XXYLT1: variants seen among roughly 807,000 people sequenced by gnomAD.
The protein encoded by XXYLT1 is UDP-xylose:alpha-xyloside alpha-1,3-xylosyltransferase.
A neutral mutation model predicts 28.9 loss-of-function variants in XXYLT1; 20 were observed. The observed-to-expected ratio is 0.69, with a 90% CI of 0.49 to 1.00. The LOEUF is 1.00. Among genes scored for constraint, XXYLT1 ranks in the 50% least tolerant of loss-of-function variants. The pLI is 0.00. For missense variants in XXYLT1, 542 were observed against 560.1 expected (o/e 0.97, Z 0.33); for synonymous variants, 257 against 253.8 (o/e 1.01, Z -0.12).
chr3:195,253,751 G>C (rs954783812), intron 1 of XXYLT1, among the ~76,000 whole-genome samples: 1 of 152,016 alleles, frequency 6.6e-6, no homozygotes, highest in African/African-American at 2.4e-5. Context: ...CGCCCGCCTC[G>C]GCCTCCCAAA....
intron 2 of XXYLT1, among the ~76,000 whole-genome samples, chr3:195,177,607 G>A (rs976138026): frequency 1.3e-5 from 2 of 152,028 alleles, no homozygotes; most frequent in Non-Finnish European, 2.9e-5. Context: ...GTGGCCATGA[G>A]ACCTGCCTTA....
At chr3:195,235,492 T>G (rs903503833) in intron 1 of XXYLT1, among the ~76,000 whole-genome samples, 10 of 152,270 alleles carry the variant, frequency 6.6e-5, no homozygotes, top group African/African-American at 2.4e-4. Flanking sequence ...ATCACATATC[T>G]CTGTTTCTCC....
chr3:195,199,141 A>G (rs1237389603), intron 2 of XXYLT1, among the ~76,000 whole-genome samples: 1 of 152,100 alleles, frequency 6.6e-6, no homozygotes, highest in Non-Finnish European at 1.5e-5. Flanking sequence ...AACATAGGAT[A>G]GGAATGAGCA....
At chr3:195,175,780 A>C in intron 2 of XXYLT1, 1 of 1,507,540 alleles carries the variant, frequency 6.6e-7, no homozygotes, top group Admixed American at 2.1e-5. Context: ...CCTGGAAGCC[A>C]CATGCTCCAG....
intron 2 of XXYLT1, among the ~76,000 whole-genome samples, chr3:195,184,314 A>T (rs1722080792): frequency 6.6e-6 from 1 of 152,230 alleles, no homozygotes; most frequent in Non-Finnish European, 1.5e-5. Flanking sequence ...AAAATGCTAA[A>T]TGTGACTGGC....
chr3:195,101,501 C>T (rs1475896697), intron 3 of XXYLT1, among the ~76,000 whole-genome samples: 1 of 152,186 alleles, frequency 6.6e-6, no homozygotes, highest in East Asian at 1.9e-4. Context: ...TATTTTAAAA[C>T]ATTAGTAAGT....
In XXYLT1 at chr3:195,133,583, C is replaced by T. The variant is rs952438998; in HGVS notation, c.785+22866G>A. Among the ~76,000 whole-genome samples the T allele has an allele frequency of 6.6e-6, 1 of 152,196 alleles. No homozygotes were observed. Among genetic ancestry groups the T allele is most frequent in the African/African-American group, 2.4e-5 (1 of 41,450 alleles). On this transcript the variant is annotated intron_variant, in intron 3 of 3. Transcript: ENST00000310380. This position sits in a 1 kb window ranked among gnomAD's most constrained non-coding sequence, Gnocchi z 4.4. Reference sequence around the variant, plus strand: ...TGATAAACATTTCATATTTGAGTCACCTCTGCTACGCCTAACAAGCAGAGG... The same window carrying T: ...TGATAAACATTTCATATTTGAGTCATCTCTGCTACGCCTAACAAGCAGAGG...
chr3:195,088,351 C>T (rs1214461615), intron 3 of XXYLT1, among the ~76,000 whole-genome samples: 1 of 148,486 alleles, frequency 6.7e-6, no homozygotes, highest in Non-Finnish European at 1.5e-5. Context: ...AACGGGCAGA[C>T]TGCCTCCTCA....
At chr3:195,249,158 C>A (rs1043462026) in intron 1 of XXYLT1, among the ~76,000 whole-genome samples, 2 of 152,120 alleles carry the variant, frequency 1.3e-5, no homozygotes, top group Admixed American at 6.5e-5. Context: ...AGGCCAAGTG[C>A]GGCACCAGCA....
chr3:195,102,085 G>A (rs541336410), intron 3 of XXYLT1, among the ~76,000 whole-genome samples: 1 of 146,356 alleles, frequency 6.8e-6, no homozygotes, highest in Non-Finnish European at 1.5e-5. Flanking sequence ...GAAGGGAAAG[G>A]GAGGGGAGGG....
At chr3:195,226,916 A>G in intron 1 of XXYLT1, 60 bp from the exon 2 acceptor site, 1 of 1,578,098 alleles carries the variant, frequency 6.3e-7, no homozygotes, top group Admixed American at 1.8e-5. Context: ...CAAGCTCAAC[A>G]CCCAACAAGC....
At chr3:195,233,031 T>C (rs553389567) in intron 1 of XXYLT1, among the ~76,000 whole-genome samples, 212 of 152,358 alleles carry the variant, frequency 1.4e-3, no homozygotes, top group African/African-American at 4.8e-3. Context: ...TTCACTCTGA[T>C]AATATTTGCT....
At chr3:195,084,159 T>C (rs1715595908) in intron 3 of XXYLT1, among the ~76,000 whole-genome samples, 1 of 152,216 alleles carries the variant, frequency 6.6e-6, no homozygotes, top group Non-Finnish European at 1.5e-5. Flanking sequence ...AAAGGATTCC[T>C]AGCGGGCTTT....
intron 3 of XXYLT1, chr3:195,095,463 G>A (rs1231522879): frequency 6.5e-6 from 1 of 153,890 alleles, no homozygotes; most frequent in Admixed American, 6.5e-5. Flanking sequence ...GGTCAGGGAA[G>A]GCAGGGGGAC....
chr3:195,175,301 C>T (rs1160063446), intron 2 of XXYLT1, among the ~76,000 whole-genome samples: 2 of 152,212 alleles, frequency 1.3e-5, no homozygotes, highest in African/African-American at 2.4e-5. Context: ...GGCCACGCAG[C>T]GTGCACTGGC....
At chr3:195,261,955 C>G (rs1262310434) in intron 1 of XXYLT1, among the ~76,000 whole-genome samples, 1 of 152,182 alleles carries the variant, frequency 6.6e-6, no homozygotes, top group African/African-American at 2.4e-5. Flanking sequence ...TTTGGCAGTT[C>G]CTCAAAAGGT....
intron 3 of XXYLT1, among the ~76,000 whole-genome samples, chr3:195,128,270 ACCACATCATCAC>A (rs1718736381): frequency 6.6e-6 from 1 of 152,102 alleles, no homozygotes; most frequent in South Asian, 2.1e-4. Context: ...TACCTGACAC[ACCACATCATCAC>A]CCACCAGGGC....
intron 3 of XXYLT1, among the ~76,000 whole-genome samples, chr3:195,099,830 C>CAAAA (rs35428286): frequency 0.031 from 3,001 of 97,080 alleles, 132 homozygotes; most frequent in East Asian, 0.13. Flanking sequence ...GACTCTGTCT[C>CAAAA]AAAAAAAAAA....
chr3:195,270,792 C>A lies in XXYLT1; in HGVS notation c.267G>T (p.Leu89Phe). Residue 89 changes from leucine (L) to phenylalanine (F), a missense_variant, in exon 1 of 4, where the codon TTG (leucine) becomes TTT (phenylalanine). By Grantham distance (22) the Leu-to-Phe change is conservative. Transcript: ENST00000310380. ...CCACCGGCCCGGCACCGCCGCCCTC[C>A]AAGCTCTTGGCCTTCGCGCCGGGGG... ...APAPGAKAKS[L>F]EGGGAGPVDY... 1 of 1,561,428 alleles carries A rather than the reference C, an allele frequency of 6.4e-7. No individual in the cohort carries two copies.
Sources: allele counts gnomAD v4.1 joint callset (sites outside exome capture counted in the v4.1 genomes callset), GRCh38; gene constraint gnomAD v4.1.1; non-coding constraint Gnocchi (gnomAD v3.1); transcripts MANE v1.5; gene names NCBI Gene and HGNC (gene_info 2026-07-23, HGNC 2026-07-21).